The following MPP3 variants were observed in gnomAD, a reference collection of about 807,000 sequenced individuals.
The protein encoded by MPP3 is MAGUK p55 scaffold protein 3, also known as MAGUK p55 subfamily member 3.
A neutral mutation model predicts 80.7 loss-of-function variants in MPP3; 48 were observed. The ratio of observed to expected loss-of-function variants is 0.59; its 90% CI spans 0.47 to 0.76. MPP3 has a LOEUF of 0.76. Among genes scored for constraint, MPP3 ranks in the 30% least tolerant of loss-of-function variants. The pLI, the probability that MPP3 is intolerant of heterozygous loss-of-function variation, is 0.00. For missense variants in MPP3, 620 were observed against 763.0 expected (o/e 0.81, Z 2.21); for synonymous variants, 311 against 297.6 (o/e 1.04, Z -0.46).
intron 11 of MPP3, among the ~76,000 whole-genome samples, chr17:43,819,304 C>G (rs1203464926): frequency 2.6e-5 from 4 of 152,252 alleles, no homozygotes; most frequent in African/African-American, 9.6e-5. Context: ...TGACCCAAGA[C>G]TGACCTTCCT....
At chr17:43,825,694 G>T in intron 9 of MPP3, 62 bp downstream of exon 9, 2 of 1,129,804 alleles carry the variant, frequency 1.8e-6, no homozygotes, top group Non-Finnish European at 2.7e-6. Flanking sequence ...CTGGCTCCAG[G>T]AAGTGCCTTG....
At chr17:43,813,351 G>A (rs540571937) in intron 16 of MPP3, among the ~76,000 whole-genome samples, 20 of 152,222 alleles carry the variant, frequency 1.3e-4, no homozygotes, top group African/African-American at 3.9e-4. Context: ...TCTTCTCAGG[G>A]GTACTGGGAG....
At chr17:43,825,620 C>A in intron 9 of MPP3, 136 bp downstream of exon 9, 1 of 650,532 alleles carries the variant, frequency 1.5e-6, no homozygotes, top group Non-Finnish European at 2.8e-6. Flanking sequence ...GTTAGGGGCA[C>A]ACCATAAGGC....
In MPP3 at chr17:43,816,092, C is replaced by G; in HGVS notation, c.968-13G>C. The G allele has an allele frequency of 6.6e-7, 1 of 1,507,178 alleles. No individual in the cohort carries two copies. Among genetic ancestry groups the G allele is most frequent in the Non-Finnish European group, 8.8e-7 (1 of 1,133,664 alleles). 93.4% of individuals were successfully genotyped at this position (1,507,178 alleles called of 1,614,324 possible). A position where few individuals can be genotyped will look rare whatever the true frequency, so the allele number is the denominator to read the frequency against. The stretch of plus-strand genomic sequence containing the variant: ...CAGTCACAGGTCTCTGGGAAGCAAA[C>G]AGAGGGAGGGAAGCCAGTGAGTCCC... On this transcript the variant is annotated splice_polypyrimidine_tract_variant and intron_variant, in intron 13 of 19. Transcript: ENST00000398389.
Position 43,801,564 on chromosome 17 carries a change from C to A in MPP3, c.*137G>T. Reference sequence around the variant, plus strand: ...AACCAACAACAAACAAGACTTCCCACTTATACTCTTCTCGATGATGGAATT... The same window carrying A: ...AACCAACAACAAACAAGACTTCCCAATTATACTCTTCTCGATGATGGAATT... On this transcript the variant is annotated 3_prime_UTR_variant, in exon 20 of 20. Coordinates refer to ENST00000398389, the MANE Select transcript of MPP3 (RefSeq NM_001932.6). 1 of 826,342 alleles carries A rather than the reference C, an allele frequency of 1.2e-6. No individual in the cohort carries two copies. Among genetic ancestry groups the A allele is most frequent in the South Asian group, 1.8e-5 (1 of 56,388 alleles). 51.2% of individuals were successfully genotyped at this position (826,342 alleles called of 1,614,324 possible). A position where few individuals can be genotyped will look rare whatever the true frequency, so the allele number is the denominator to read the frequency against.
chr17:43,802,428 G>A (rs1420091115), intron 19 of MPP3, among the ~76,000 whole-genome samples: 2 of 152,154 alleles, frequency 1.3e-5, no homozygotes, highest in African/African-American at 4.8e-5. Flanking sequence ...CCTCACACCA[G>A]AGCCAAACAC....
At chr17:43,812,238 T>C (rs1455846510) in intron 16 of MPP3, among the ~76,000 whole-genome samples, 1 of 152,150 alleles carries the variant, frequency 6.6e-6, no homozygotes, top group Non-Finnish European at 1.5e-5. Context: ...CACACAGTAT[T>C]TTCCAAAAGA....
chr17:43,831,174 G>A (rs574297586), intron 5 of MPP3, 70 bp downstream of exon 5: 31 of 1,454,724 alleles, frequency 2.1e-5, no homozygotes, highest in African/African-American at 7.0e-5. Flanking sequence ...CTAAGCAAGC[G>A]AGGCAAGATG....
At chr17:43,819,915 C>T (rs371320107) in intron 11 of MPP3, among the ~76,000 whole-genome samples, 1 of 151,272 alleles carries the variant, frequency 6.6e-6, no homozygotes, top group East Asian at 1.9e-4. Flanking sequence ...TTTCATAGTC[C>T]TCCTCTTCAG....
At chr17:43,821,516 A>T (rs1417634303) in intron 10 of MPP3, among the ~76,000 whole-genome samples, 2 of 152,188 alleles carry the variant, frequency 1.3e-5, no homozygotes, top group Non-Finnish European at 2.9e-5. Context: ...GAACACAAAT[A>T]TCAACAAAAC....
chr17:43,815,808 C>A, intron 14 of MPP3: 3 of 676,828 alleles, frequency 4.4e-6, no homozygotes, highest in Non-Finnish European at 8.0e-6. Flanking sequence ...GTGCCTTTCC[C>A]GCCAGGGCAG....
intron 19 of MPP3, among the ~76,000 whole-genome samples, chr17:43,804,292 A>C (rs1364875652): frequency 6.6e-6 from 1 of 152,238 alleles, no homozygotes. Flanking sequence ...TTCAAAACTT[A>C]CTACAAAGCT....
intron 10 of MPP3, among the ~76,000 whole-genome samples, chr17:43,823,387 C>A (rs1226554793): frequency 2.0e-5 from 3 of 152,156 alleles, no homozygotes; most frequent in African/African-American, 7.2e-5. Context: ...CTTCTTCAGG[C>A]CTCAGTTCCA....
intron 9 of MPP3, among the ~76,000 whole-genome samples, chr17:43,824,592 G>A (rs905696503): frequency 6.6e-6 from 1 of 152,096 alleles, no homozygotes; most frequent in East Asian, 1.9e-4. Context: ...GAATGCAGTC[G>A]GACCAGGACA....
intron 16 of MPP3, among the ~76,000 whole-genome samples, chr17:43,812,524 C>T (rs145242733): frequency 5.9e-5 from 9 of 152,308 alleles, no homozygotes; most frequent in African/African-American, 2.2e-4. Context: ...CCCAACACTG[C>T]TCCGTCCCTT....
intron 14 of MPP3, chr17:43,815,804 T>C (rs2045092540): frequency 2.9e-6 from 2 of 678,396 alleles, no homozygotes; most frequent in Admixed American, 2.2e-5. Context: ...GTGTGTGCCT[T>C]TCCCGCCAGG....
At chr17:43,815,851 G>T in intron 14 of MPP3, 187 bp downstream of exon 14, 1 of 675,260 alleles carries the variant, frequency 1.5e-6, no homozygotes, top group Non-Finnish European at 2.6e-6. Context: ...GCTGGGTGGG[G>T]GCCCAATGCC....
In MPP3 at chr17:43,821,050, C is replaced by T. The variant is rs374313549; in HGVS notation, c.693G>A (p.Met231Ile). The change falls in exon 11 of 20, where the codon ATG (methionine) becomes ATA (isoleucine). Residue 231 changes from methionine to isoleucine, a missense_variant. Transcript: ENST00000398389. ...GAGGGTTGTAGTGGAAGAGGGCGCG[C>T]ATGAACACCTGCACAAGGAGGGCTC... ...EDRLKESKVF[M>I]RALFHYNPRE... 6.2e-7 allele frequency: 1 copy of T among 1,613,740 alleles called. No homozygotes were observed. The highest frequency in any genetic ancestry group is 1.3e-5 in the African/African-American group (1 of 74,942).
At chr17:43,818,448 C>T (rs988099511) in intron 11 of MPP3, among the ~76,000 whole-genome samples, 7 of 152,182 alleles carry the variant, frequency 4.6e-5, no homozygotes, top group African/African-American at 1.4e-4. Flanking sequence ...TCTCTACTCC[C>T]CAGCCTCCCC....
Sources: gnomAD v4.1 joint callset for allele counts (sites outside exome capture counted in the v4.1 genomes callset) on GRCh38, gnomAD v4.1.1 for gene constraint, MANE v1.5 for transcripts, NCBI Gene and HGNC (gene_info 2026-07-23, HGNC 2026-07-21) for gene names.